Variants in ZC2HC1B observed in about 807,000 individuals in gnomAD.
The protein encoded by ZC2HC1B is zinc finger C2HC-type containing 1B.
ZC2HC1B carries 36 observed loss-of-function variants against 31.0 expected under a neutral mutation model. That is an observed-to-expected ratio of 1.16 (90% CI 0.89 to 1.54). The LOEUF is 1.54. Among genes scored for constraint, ZC2HC1B ranks in the 40% most tolerant of loss-of-function variants. The probability of loss-of-function intolerance (pLI) is 0.00; values close to 1 mark genes in which losing one functional copy is unlikely to be tolerated. For synonymous variants in ZC2HC1B, 73 were observed against 88.0 expected, an observed-to-expected ratio of 0.83 and a Z score of 0.95; for missense variants, 260 against 268.6, an observed-to-expected ratio of 0.97 and a Z score of 0.22.
At chr6:143,904,168 C>T (rs2128495348) in intron 6 of ZC2HC1B, among the ~76,000 whole-genome samples, 1 of 152,262 alleles carries the variant, frequency 6.6e-6, no homozygotes, top group South Asian at 2.1e-4. Flanking sequence ...AAGTCCTTTG[C>T]CCATTTTTGA....
rs2128494945 is a variant in ZC2HC1B at position 143,899,472 on chromosome 6, T to A, written c.489+781T>A. The stretch of plus-strand genomic sequence containing the variant: ...CTCATTGCAGCTTTGACCTCCCAGG[T>A]GCAGGTGATACTCCCACCTCGGCCT... On this transcript the variant is annotated intron_variant, in intron 5 of 7. Transcript: ENST00000237275. This position sits in a 1 kb window ranked among gnomAD's most constrained non-coding sequence, Gnocchi z 5.0. 6.6e-6 allele frequency among the ~76,000 whole-genome samples: 1 copy of A among 152,284 alleles called. No homozygotes were observed. Among genetic ancestry groups the A allele is most frequent in the South Asian group, 2.1e-4 (1 of 4,828 alleles).
intron 4 of ZC2HC1B, among the ~76,000 whole-genome samples, chr6:143,897,946 ATAAT>A (rs1191429591): frequency 2.0e-5 from 3 of 152,202 alleles, no homozygotes; most frequent in East Asian, 1.9e-4. Context: ...GATTTACTAA[ATAAT>A]TCATTTCATT....
At position 143,886,505 on chromosome 6, in the gene ZC2HC1B, G is replaced by C. The variant is rs201689479; in HGVS notation, c.211-178G>C. Among the ~76,000 whole-genome samples the C allele has an allele frequency of 6.6e-6, 1 of 152,006 alleles. No homozygotes were observed. The highest frequency in any genetic ancestry group is 6.6e-5 in the Admixed American group (1 of 15,258). On this transcript the variant is annotated intron_variant, in intron 3 of 7. Transcript: ENST00000237275. This position sits in a 1 kb window ranked among gnomAD's most constrained non-coding sequence, Gnocchi z 4.2. ...GTGTTTTCCCTCACTCTTGTGGCTT[G>C]CAAATTATATTACTGTACTTTCCAA...
chr6:143,870,927 C>G lies in ZC2HC1B; in HGVS notation c.28+6360C>G, dbSNP rs1777328712. ...GAGCCTTCTCCTGTTCTGGACCCCA[C>G]TCAAAACTGGCAGCTTCAGGTCACT... On this transcript the variant is annotated intron_variant, in intron 1 of 7. Coordinates refer to ENST00000237275, the MANE Select transcript of ZC2HC1B (RefSeq NM_001013623.3). The surrounding 1 kb of genome is among the most constrained non-coding windows in gnomAD (Gnocchi z 4.7). 6.6e-6 allele frequency among the ~76,000 whole-genome samples: 1 copy of G among 152,142 alleles called. No homozygotes were observed. The highest frequency in any genetic ancestry group is 2.1e-4 in the South Asian group (1 of 4,832).
chr6:143,935,681 G>A (rs1216267632), intron 6 of ZC2HC1B, among the ~76,000 whole-genome samples: 1 of 84,872 alleles, frequency 1.2e-5, no homozygotes, highest in Non-Finnish European at 2.1e-5. Context: ...TTTTGAGACA[G>A]GATCTCTCTG....
rs1300854068 is a variant in ZC2HC1B, at chr6:143,918,406, A to G, written c.598+15254A>G. Among the ~76,000 whole-genome samples, 2 of 151,996 alleles carry G rather than the reference A, an allele frequency of 1.3e-5. No individual in the cohort carries two copies. Among genetic ancestry groups the G allele is most frequent in the Non-Finnish European group, 2.9e-5 (2 of 68,000 alleles). On this transcript the variant is annotated intron_variant, in intron 6 of 7. Coordinates refer to ENST00000237275, the MANE Select transcript of ZC2HC1B (RefSeq NM_001013623.3). This position sits in a 1 kb window ranked among gnomAD's most constrained non-coding sequence, Gnocchi z 4.1. The stretch of plus-strand genomic sequence containing the variant: ...GTTGGCCCACTGTGTTTCATCCTCC[A>G]TGGTTTCTGATGAGAAGTCTGCTGA...
At chr6:143,920,106 A>G (rs1158217390) in intron 6 of ZC2HC1B, among the ~76,000 whole-genome samples, 1 of 152,090 alleles carries the variant, frequency 6.6e-6, no homozygotes, top group African/African-American at 2.4e-5. Flanking sequence ...TAAAAAAACA[A>G]TTTCTTTATA....
intron 4 of ZC2HC1B, among the ~76,000 whole-genome samples, chr6:143,888,972 C>G (rs1277265357): frequency 2.0e-5 from 3 of 151,896 alleles, no homozygotes; most frequent in African/African-American, 7.2e-5. Flanking sequence ...CTTGTGTTTT[C>G]CATTGAGGAT....
chr6:143,912,202 T>C (rs917915087), intron 6 of ZC2HC1B, among the ~76,000 whole-genome samples: 4 of 152,170 alleles, frequency 2.6e-5, no homozygotes, highest in East Asian at 3.8e-4. Flanking sequence ...TTTGCATTGG[T>C]TTACAACATG....
chr6:143,896,982 G>C (rs1043397429), intron 4 of ZC2HC1B, among the ~76,000 whole-genome samples: 2 of 152,154 alleles, frequency 1.3e-5, no homozygotes, highest in African/African-American at 4.8e-5. Context: ...TGCTCAGTCA[G>C]TGTTAAATTA....
intron 6 of ZC2HC1B, among the ~76,000 whole-genome samples, chr6:143,926,293 C>T (rs145286831): frequency 4.1e-4 from 63 of 152,312 alleles, no homozygotes; most frequent in Admixed American, 1.0e-3. Context: ...TCTTTTGCTA[C>T]ATCCCATGGG....
Position 143,872,596 on chromosome 6 carries a change from G to A in ZC2HC1B, c.28+8029G>A, listed in dbSNP as rs938483634. Among the ~76,000 whole-genome samples the A allele has an allele frequency of 5.1e-4, 78 of 152,096 alleles. No individual in the cohort carries two copies. Among genetic ancestry groups the A allele is most frequent in the African/African-American group, 1.9e-3 (77 of 41,410 alleles). On this transcript the variant is annotated intron_variant, in intron 1 of 7. Transcript: ENST00000237275. The surrounding 1 kb of genome is among the most constrained non-coding windows in gnomAD (Gnocchi z 5.5). ...ATGCTGCTGATAAAGACATACCTGA[G>A]ACTGGGAAGAAAAAGAGGTTTAATC... is the stretch of plus-strand genomic sequence containing the variant.
chr6:143,912,045 C>T (rs1029315041), intron 6 of ZC2HC1B, among the ~76,000 whole-genome samples: 4 of 152,166 alleles, frequency 2.6e-5, no homozygotes, highest in African/African-American at 7.2e-5. Flanking sequence ...CTTTCTTCCA[C>T]ATAGTCTATT....
intron 1 of ZC2HC1B, chr6:143,881,743 C>T (rs1353131841): frequency 6.6e-6 from 1 of 152,034 alleles, no homozygotes; most frequent in Non-Finnish European, 1.5e-5. Context: ...ACAAACACTG[C>T]AGACCACATT....
At chr6:143,876,736 C>T (rs956628346) in intron 1 of ZC2HC1B, among the ~76,000 whole-genome samples, 1 of 150,552 alleles carries the variant, frequency 6.6e-6, no homozygotes, top group East Asian at 1.9e-4. Flanking sequence ...AGTCTGAGTC[C>T]CAAAACTGAA....
intron 6 of ZC2HC1B, among the ~76,000 whole-genome samples, chr6:143,928,379 T>C (rs1176339455): frequency 6.6e-6 from 1 of 152,182 alleles, no homozygotes; most frequent in Non-Finnish European, 1.5e-5. Context: ...GTCCTTTCTC[T>C]GATGTATGTT....
intron 6 of ZC2HC1B, among the ~76,000 whole-genome samples, chr6:143,930,545 G>A (rs9496819): frequency 0.5 from 75,303 of 151,508 alleles, 19,444 homozygotes; most frequent in African/African-American, 0.65. Flanking sequence ...CCGCCACCAC[G>A]CCCGGCTAAT....
At chr6:143,906,571 G>A (rs1334994990) in intron 6 of ZC2HC1B, among the ~76,000 whole-genome samples, 1 of 151,982 alleles carries the variant, frequency 6.6e-6, no homozygotes, top group Non-Finnish European at 1.5e-5. Flanking sequence ...AGCCTCTCCA[G>A]TAGCTAGAAC....
In ZC2HC1B at chr6:143,908,182, T is replaced by A. The variant is rs1777818665; in HGVS notation, c.598+5030T>A. On this transcript the variant is annotated intron_variant, in intron 6 of 7. Transcript: ENST00000237275. The surrounding 1 kb of genome is among the most constrained non-coding windows in gnomAD (Gnocchi z 4.4). ...AATGCTGTTTTGGTTACTGTAGCCT[T>A]GTAGTGTAGTTTGAAGTTGGGTAGC... 6.6e-6 allele frequency among the ~76,000 whole-genome samples: 1 copy of A among 152,208 alleles called. No individual in the cohort carries two copies. Among genetic ancestry groups the A allele is most frequent in the Non-Finnish European group, 1.5e-5 (1 of 68,042 alleles).
Sources: allele counts gnomAD v4.1 joint callset (sites outside exome capture counted in the v4.1 genomes callset), GRCh38; gene constraint gnomAD v4.1.1; non-coding constraint Gnocchi (gnomAD v3.1); transcripts MANE v1.5; gene names NCBI Gene and HGNC (gene_info 2026-07-23, HGNC 2026-07-21).